IQSEC1: variants seen among roughly 807,000 people sequenced by gnomAD.
The protein encoded by IQSEC1 is IQ motif and Sec7 domain ArfGEF 1, also known as IQ motif and SEC7 domain-containing protein 1.
Under a neutral mutation model 91.0 loss-of-function variants are expected in IQSEC1, and 31 were observed. That is an observed-to-expected ratio of 0.34 (90% confidence interval 0.26 to 0.46). The LOEUF (loss-of-function observed/expected upper bound fraction) is 0.46, where lower values mean the gene tolerates loss of function less well. IQSEC1 is among the 20% of genes least tolerant of loss of function. The pLI is 1.00. For missense variants in IQSEC1, 1,388 were observed against 1,575.6 expected (o/e 0.88, Z 2.02); for synonymous variants, 699 against 662.6 (o/e 1.05, Z -0.84).
chr3:13,109,791 CT>C (rs71991259), intron 2 of IQSEC1, among the ~76,000 whole-genome samples: 30,984 of 146,128 alleles, frequency 0.21, 3,744 homozygotes, highest in East Asian at 0.34. Flanking sequence ...CTGATTAAAC[CT>C]TTTTTTTTTT....
chr3:13,064,783 A>G, intron 1 of IQSEC1, among the ~76,000 whole-genome samples: 1 of 152,236 alleles, frequency 6.6e-6, no homozygotes, highest in Non-Finnish European at 1.5e-5. Context: ...GCAGATTTTC[A>G]TGCCCATAAA....
rs1694135547 is a variant in IQSEC1 at position 12,900,476 on chromosome 3, T to A, written c.*507A>T. ...GTATATATATATATATATTTATATA[T>A]TTATATATTTATATAAAGTTTACTT... On this transcript the variant is annotated 3_prime_UTR_variant, in exon 14 of 14. Coordinates refer to ENST00000613206, the MANE Select transcript of IQSEC1 (RefSeq NM_001134382.3). 1.4e-6 allele frequency: 1 copy of A among 712,060 alleles called. No homozygotes were observed. Among genetic ancestry groups the A allele is most frequent in the African/African-American group, 1.9e-5 (1 of 51,556 alleles). The allele number at this position is 712,060 out of a possible 1,614,324, so 44.1% of individuals were successfully genotyped here. A position where few individuals can be genotyped will look rare whatever the true frequency, so the allele number is the denominator to read the frequency against.
chr3:13,027,115 C>T (rs1038655220), intron 1 of IQSEC1, among the ~76,000 whole-genome samples: 12 of 152,294 alleles, frequency 7.9e-5, no homozygotes, highest in African/African-American at 2.6e-4. Context: ...CCTGGATCCC[C>T]CTTCTCAAGA....
rs1694046104 is a variant in IQSEC1, at chr3:12,899,819, T to A, written c.*1164A>T. 2.0e-6 allele frequency: 2 copies of A among 985,104 alleles called. No homozygotes were observed. Among genetic ancestry groups the A allele is most frequent in the Admixed American group, 1.2e-4 (2 of 16,234 alleles). 61.0% of individuals were successfully genotyped at this position (985,104 alleles called of 1,614,324 possible). On this transcript the variant is annotated 3_prime_UTR_variant, in exon 14 of 14. Coordinates refer to ENST00000613206, the MANE Select transcript of IQSEC1 (RefSeq NM_001134382.3). ...TCTGAGGGCTTCGGCCTGGTGTGGG[T>A]TGGAGGCGGGATGAGGACGTTATGG...
Position 13,259,018 on chromosome 3 carries a change from T to C in IQSEC1, c.272+23693A>G, listed in dbSNP as rs943189807. 1.3e-5 allele frequency among the ~76,000 whole-genome samples: 2 copies of C among 151,986 alleles called. No homozygotes were observed. The highest frequency in any genetic ancestry group is 4.8e-5 in the African/African-American group (2 of 41,362). On this transcript the variant is annotated intron_variant, in intron 1 of 15. Coordinates refer to the IQSEC1 transcript ENST00000648114. This position sits in a 1 kb window ranked among gnomAD's most constrained non-coding sequence, Gnocchi z 4.6. ...TTCCCCTGGGCCTCAGCACAGCCCC[T>C]ACCCTCTTTCCCTATAGTCTATCTC...
chr3:12,908,504 CCTTT>C lies in IQSEC1; in HGVS notation c.2596_2599del (p.Lys866AlafsTer22). On this transcript the variant is annotated frameshift_variant, in exon 12 of 14. Transcript: ENST00000613206. LOFTEE classifies it high-confidence loss of function. The surrounding 1 kb of genome is among the most constrained non-coding windows in gnomAD (Gnocchi z 4.9). Reference sequence around the variant, plus strand: ...CTGGGACATGCTGGGCCGCACGACGCCTTTCTGCTTCTCGAGCTCCGCTGGAACA... The same window carrying C: ...CTGGGACATGCTGGGCCGCACGACGCCTGCTTCTCGAGCTCCGCTGGAACA... The C allele has an allele frequency of 6.2e-7, 1 of 1,613,650 alleles. No individual in the cohort carries two copies. The highest frequency in any genetic ancestry group is 8.5e-7 in the Non-Finnish European group (1 of 1,180,038).
intron 1 of IQSEC1, among the ~76,000 whole-genome samples, chr3:13,049,722 T>C (rs1045292375): frequency 6.6e-6 from 1 of 152,166 alleles, no homozygotes; most frequent in African/African-American, 2.4e-5. Context: ...TTTCTTCTCC[T>C]CTCTCTCACT....
At chr3:13,075,839 G>A (rs937003090), upstream of IQSEC1, among the ~76,000 whole-genome samples, 4 of 152,170 alleles carry the variant, frequency 2.6e-5, no homozygotes, top group African/African-American at 9.7e-5. Context: ...CTGGGATTCC[G>A]ACTCTGATCT....
At chr3:13,126,156 C>T (rs928876752) in intron 2 of IQSEC1, among the ~76,000 whole-genome samples, 4 of 144,910 alleles carry the variant, frequency 2.8e-5, no homozygotes, top group African/African-American at 7.5e-5. Flanking sequence ...GTGAAACACA[C>T]TCATGATGGA....
chr3:13,178,542 G>A (rs1285508552), intron 1 of IQSEC1, among the ~76,000 whole-genome samples: 1 of 152,224 alleles, frequency 6.6e-6, no homozygotes, highest in African/African-American at 2.4e-5. Context: ...GCCCTCTTCT[G>A]GGTTGCACCC....
intron 1 of IQSEC1, among the ~76,000 whole-genome samples, chr3:12,973,146 C>T (rs1299258593): frequency 1.3e-5 from 2 of 152,144 alleles, no homozygotes; most frequent in East Asian, 1.9e-4. Context: ...GCTTCTGGCC[C>T]GGGTTTCCTA....
intron 1 of IQSEC1, among the ~76,000 whole-genome samples, chr3:13,169,520 A>G (rs998172134): frequency 2.0e-5 from 3 of 152,224 alleles, no homozygotes; most frequent in African/African-American, 4.8e-5. Flanking sequence ...GGGTTGGAAC[A>G]GTTTGGAGGG....
Position 12,954,829 on chromosome 3 carries a change from C to T in IQSEC1, c.24-12964G>A, listed in dbSNP as rs373678394. ...ACAACCCTGGGAGTAGATGCCAGCA[C>T]TCCTAACACAAAGGGGTCAGGACAG... On this transcript the variant is annotated intron_variant, in intron 1 of 13. Transcript: ENST00000613206. Among the ~76,000 whole-genome samples the T allele has an allele frequency of 5.9e-5, 9 of 152,342 alleles. No individual in the cohort carries two copies. In the South Asian group the frequency reaches 1.0e-3, roughly 18 times the overall value.
In IQSEC1 at chr3:13,225,878, A is replaced by ATTT. The variant is rs59308345; in HGVS notation, c.272+56830_272+56832dup. On this transcript the variant is annotated intron_variant, in intron 1 of 15. Coordinates refer to the IQSEC1 transcript ENST00000648114. ...GGCTATTTGATTTGTTAATTCATCA[A>ATTT]TTTTTTTTTTTCTTTTTTTGAGAAG... 2.9e-3 allele frequency among the ~76,000 whole-genome samples: 439 copies of ATTT among 150,278 alleles called. 1 individual carries two copies. Among genetic ancestry groups the ATTT allele is most frequent in the African/African-American group, 9.9e-3 (406 of 41,050 alleles).
intron 1 of IQSEC1, among the ~76,000 whole-genome samples, chr3:13,174,879 C>T (rs1693697163): frequency 6.6e-6 from 1 of 151,914 alleles, no homozygotes; most frequent in Admixed American, 6.6e-5. Flanking sequence ...GCCCCCACTC[C>T]AGCCACCAGT....
At chr3:13,024,218 T>C (rs1048752654) in intron 1 of IQSEC1, among the ~76,000 whole-genome samples, 4 of 152,190 alleles carry the variant, frequency 2.6e-5, no homozygotes, top group African/African-American at 7.2e-5. Flanking sequence ...TATTCACACA[T>C]CCACACACCT....
rs1396642389 is a variant in IQSEC1 at position 12,994,277 on chromosome 3, C to T, written c.24-52412G>A. ...TCCTGCCCGCCCCACCGCCCGTGCG[C>T]CGTGACCTTGGCGGGTGGCCTCGCC... On this transcript the variant is annotated intron_variant, in intron 1 of 13. Transcript: ENST00000613206. The surrounding 1 kb of genome is among the most constrained non-coding windows in gnomAD (Gnocchi z 4.5). 1.3e-5 allele frequency among the ~76,000 whole-genome samples: 2 copies of T among 151,346 alleles called. No homozygotes were observed. Among genetic ancestry groups the T allele is most frequent in the Admixed American group, 1.3e-4 (2 of 15,208 alleles).
At chr3:13,237,315 G>GC (rs35179043) in intron 1 of IQSEC1, among the ~76,000 whole-genome samples, 13,938 of 152,220 alleles carry the variant, frequency 0.092, 1,274 homozygotes, top group African/African-American at 0.24. Context: ...GGTGGGGACA[G>GC]GCCCCATCAT....
intron 1 of IQSEC1, among the ~76,000 whole-genome samples, chr3:12,951,313 C>T (rs1699527991): frequency 6.6e-6 from 1 of 152,142 alleles, no homozygotes; most frequent in Non-Finnish European, 1.5e-5. Flanking sequence ...ATCCCAGCTA[C>T]TCGGGAGGCT....
Sources: allele counts gnomAD v4.1 joint callset (sites outside exome capture counted in the v4.1 genomes callset), GRCh38; gene constraint gnomAD v4.1.1; non-coding constraint Gnocchi (gnomAD v3.1); transcripts MANE v1.5; gene names NCBI Gene and HGNC (gene_info 2026-07-23, HGNC 2026-07-21).